STAU2: variants seen among roughly 807,000 people sequenced by gnomAD.
STAU2 encodes double-stranded RNA-binding protein Staufen homolog 2.
STAU2 carries 20 observed loss-of-function variants against 65.9 expected under a neutral mutation model. The ratio of observed to expected loss-of-function variants is 0.30; its 90% CI spans 0.21 to 0.44. The LOEUF is 0.44. Ranked by LOEUF, STAU2 falls within the 20% of genes least tolerant of loss-of-function variation. The probability of loss-of-function intolerance (pLI) is 1.00; values close to 1 mark genes in which losing one functional copy is unlikely to be tolerated. For synonymous variants in STAU2, 232 were observed against 233.9 expected, an observed-to-expected ratio of 0.99 and a Z score of 0.07; for missense variants, 558 against 683.9, an observed-to-expected ratio of 0.82 and a Z score of 2.05.
At chr8:73,717,264 T>A (rs1203922805) in intron 3 of STAU2, among the ~76,000 whole-genome samples, 4 of 152,242 alleles carry the variant, frequency 2.6e-5, no homozygotes, top group African/African-American at 9.6e-5. Context: ...CAGTGTCTTT[T>A]AAAGAGCAGA....
At chr8:73,679,899 C>A (rs1276187800) in intron 5 of STAU2, among the ~76,000 whole-genome samples, 15 of 139,180 alleles carry the variant, frequency 1.1e-4, no homozygotes, top group South Asian at 6.9e-4. Context: ...AAAAAAAAAA[C>A]AAAACAAAAA....
chr8:73,680,586 T>C (rs949852540), intron 5 of STAU2, among the ~76,000 whole-genome samples: 10 of 152,016 alleles, frequency 6.6e-5, no homozygotes, highest in African/African-American at 2.4e-4. Flanking sequence ...TCACACTAGT[T>C]CACCAGCGAT....
chr8:73,712,303 T>G (rs186142734), intron 3 of STAU2, among the ~76,000 whole-genome samples: 1 of 152,288 alleles, frequency 6.6e-6, no homozygotes, highest in Admixed American at 6.5e-5. Flanking sequence ...CTCTGCCACT[T>G]TGAAAGAACA....
At chr8:73,614,073 T>C in intron 8 of STAU2, 117 bp from the exon 9 acceptor site, 1 of 706,068 alleles carries the variant, frequency 1.4e-6, no homozygotes, top group South Asian at 2.4e-5. Context: ...TTATAGTATT[T>C]CTTTAAGAAA....
At chr8:73,502,877 G>T (rs1211120761) in intron 13 of STAU2, among the ~76,000 whole-genome samples, 1 of 151,992 alleles carries the variant, frequency 6.6e-6, no homozygotes, top group East Asian at 1.9e-4. Flanking sequence ...TGGCTTACAT[G>T]AGGCAGATAT....
At chr8:73,467,841 G>A (rs1028963579) in intron 13 of STAU2, among the ~76,000 whole-genome samples, 2 of 152,076 alleles carry the variant, frequency 1.3e-5, no homozygotes, top group African/African-American at 4.8e-5. Flanking sequence ...CATGCTCATG[G>A]ATAGGAAGAA....
intron 12 of STAU2, among the ~76,000 whole-genome samples, chr8:73,578,099 T>C (rs944158798): frequency 6.6e-6 from 1 of 152,188 alleles, no homozygotes; most frequent in African/African-American, 2.4e-5. Flanking sequence ...CTGCAATGAA[T>C]AAATGCATCC....
At chr8:73,701,950 T>C (rs924439287) in intron 4 of STAU2, among the ~76,000 whole-genome samples, 2 of 152,174 alleles carry the variant, frequency 1.3e-5, no homozygotes, top group African/African-American at 4.8e-5. Context: ...TGGACGTCAC[T>C]ATGTTAAGTG....
chr8:73,476,688 G>A (rs915466750), intron 13 of STAU2, among the ~76,000 whole-genome samples: 4 of 152,180 alleles, frequency 2.6e-5, no homozygotes, highest in Non-Finnish European at 5.9e-5. Flanking sequence ...CGAGGCAGAC[G>A]TTAGTATCTT....
At chr8:73,717,961 A>C (rs1343143238) in intron 3 of STAU2, among the ~76,000 whole-genome samples, 1 of 152,206 alleles carries the variant, frequency 6.6e-6, no homozygotes, top group East Asian at 1.9e-4. Flanking sequence ...TAATTTGGTG[A>C]AAATCAACAT....
chr8:73,546,845 A>G (rs115996253), intron 13 of STAU2, among the ~76,000 whole-genome samples: 32 of 152,380 alleles, frequency 2.1e-4, no homozygotes, highest in African/African-American at 6.3e-4. Flanking sequence ...GAAGAGTACC[A>G]TAATTAATTA....
chr8:73,739,721 T>A lies in STAU2; in HGVS notation c.-84+35A>T, dbSNP rs547460251. ...AAAGAGCACACGGCCTGGATATTGGTGAATTTGAGTTTTAGTCAAAGTTCT... is the reference window on the plus strand; with the variant it reads ...AAAGAGCACACGGCCTGGATATTGGAGAATTTGAGTTTTAGTCAAAGTTCT... On this transcript the variant is annotated intron_variant, in intron 2 of 14. Transcript: ENST00000524300. The A allele has an allele frequency of 3.1e-5, 46 of 1,468,686 alleles. No homozygotes were observed. The South Asian group carries it at 5.3e-4, about 17-fold the overall frequency. 91.0% of individuals were successfully genotyped at this position (1,468,686 alleles called of 1,614,324 possible).
At chr8:73,633,601 T>C (rs1814260875) in intron 6 of STAU2, among the ~76,000 whole-genome samples, 1 of 152,126 alleles carries the variant, frequency 6.6e-6, no homozygotes, top group South Asian at 2.1e-4. Flanking sequence ...AAGATGAGGA[T>C]GGGCTAGATC....
At chr8:73,488,979 T>A (rs936473612) in intron 13 of STAU2, among the ~76,000 whole-genome samples, 1 of 151,962 alleles carries the variant, frequency 6.6e-6, no homozygotes. Flanking sequence ...TACTAAAAAG[T>A]CTGGGTCAAT....
chr8:73,709,587 G>A (rs941783955), intron 3 of STAU2, among the ~76,000 whole-genome samples: 16 of 151,898 alleles, frequency 1.1e-4, no homozygotes, highest in African/African-American at 3.9e-4. Context: ...CAGTGTGTTA[G>A]AAAAAGCTCT....
At chr8:73,531,924 G>A (rs1030294136) in intron 13 of STAU2, among the ~76,000 whole-genome samples, 4 of 152,034 alleles carry the variant, frequency 2.6e-5, no homozygotes, top group African/African-American at 9.7e-5. Context: ...AATGAATAAA[G>A]ATAATTATAG....
chr8:73,600,824 AT>A (rs1190560754), intron 10 of STAU2, among the ~76,000 whole-genome samples: 1 of 152,152 alleles, frequency 6.6e-6, no homozygotes, highest in African/African-American at 2.4e-5. Context: ...TCATTTACCC[AT>A]TCACCCAGCC....
At chr8:73,746,921 C>A, upstream of STAU2, 1 of 980,926 alleles carries the variant, frequency 1.0e-6, no homozygotes, top group Non-Finnish European at 1.2e-6. Flanking sequence ...GCCTCCCCGG[C>A]GCTCCCGCCG....
intron 13 of STAU2, among the ~76,000 whole-genome samples, chr8:73,437,757 C>T (rs887868427): frequency 5.3e-5 from 8 of 152,074 alleles, no homozygotes; most frequent in Admixed American, 2.0e-4. Flanking sequence ...CTGAGAAGAG[C>T]GGCCCAGGTG....
Sources: gnomAD v4.1 joint callset for allele counts (sites outside exome capture counted in the v4.1 genomes callset) on GRCh38, gnomAD v4.1.1 for gene constraint, MANE v1.5 for transcripts, NCBI Gene and HGNC (gene_info 2026-07-23, HGNC 2026-07-21) for gene names.